Variants in GDA observed in about 807,000 individuals in gnomAD.
GDA encodes the protein cytoplasmic PSD-95 interactor.
In GDA, 18 loss-of-function variants were observed where a neutral mutation model predicts 59.6. The observed-to-expected ratio is 0.30, with a 90% CI of 0.21 to 0.45. GDA has a LOEUF of 0.45. Ranked by LOEUF, GDA falls within the 20% of genes least tolerant of loss-of-function variation. The pLI, the probability that GDA is intolerant of heterozygous loss-of-function variation, is 1.00. For synonymous variants in GDA, 201 were observed against 201.1 expected (o/e 1.00, Z 0.00); for missense variants, 427 against 552.3 (o/e 0.77, Z 2.27).
At chr9:72,256,476 GTACATAGTCCGCAGAGAA>G (rs905926205), downstream of GDA, among the ~76,000 whole-genome samples, 1 of 152,314 alleles carries the variant, frequency 6.6e-6, no homozygotes, top group Middle Eastern at 3.4e-3. Context: ...GTTCTGTTGG[GTACATAGTCCGCAGAGAA>G]TACATAGGGC....
intron 1 of GDA, among the ~76,000 whole-genome samples, chr9:72,150,329 A>T (rs1432675202): frequency 6.6e-6 from 1 of 151,656 alleles, no homozygotes; most frequent in African/African-American, 2.4e-5. Flanking sequence ...ACACACACAC[A>T]CACACACGCA....
Position 72,250,176 on chromosome 9 carries a change from A to G in GDA, c.*1834A>G. 1.0e-6 allele frequency: 1 copy of G among 984,660 alleles called. No individual in the cohort carries two copies. The highest frequency in any genetic ancestry group is 1.2e-6 in the Non-Finnish European group (1 of 829,226). 61.0% of individuals were successfully genotyped at this position (984,660 alleles called of 1,614,324 possible). A position where few individuals can be genotyped will look rare whatever the true frequency, so the allele number is the denominator to read the frequency against. ...CAGCTTTATCACTCAACCCCTGCCA[A>G]AGGAACTTGATTACATGGTGTCTAA... On this transcript the variant is annotated 3_prime_UTR_variant, in exon 14 of 14. Transcript: ENST00000358399.
intron 1 of GDA, among the ~76,000 whole-genome samples, chr9:72,181,438 C>T (rs1831202616): frequency 6.6e-6 from 1 of 152,104 alleles, no homozygotes; most frequent in South Asian, 2.1e-4. Context: ...CAATTCTCTG[C>T]CTCAGCCTCC....
downstream of GDA, among the ~76,000 whole-genome samples, chr9:72,259,717 A>G (rs1016082472): frequency 3.3e-5 from 5 of 151,660 alleles, no homozygotes; most frequent in East Asian, 7.7e-4. Flanking sequence ...CTTGGAGGAG[A>G]AAAAAAAAGC....
At chr9:72,222,852 A>G (rs999185022) in intron 6 of GDA, among the ~76,000 whole-genome samples, 2 of 151,832 alleles carry the variant, frequency 1.3e-5, no homozygotes, top group African/African-American at 4.8e-5. Context: ...GATTACAGGC[A>G]TGCGCCACCA....
At chr9:72,144,212 ACT>A (rs1351051601) in intron 1 of GDA, among the ~76,000 whole-genome samples, 1 of 152,118 alleles carries the variant, frequency 6.6e-6, no homozygotes, top group Non-Finnish European at 1.5e-5. Context: ...ACAGAGTGAG[ACT>A]CTACCTCAAA....
chr9:72,229,358 A>G (rs1007858301), intron 9 of GDA, among the ~76,000 whole-genome samples: 6 of 151,856 alleles, frequency 4.0e-5, no homozygotes, highest in African/African-American at 1.5e-4. Flanking sequence ...CTCAAAAACA[A>G]AACAAAACAA....
At chr9:72,142,686 T>C (rs909307087) in intron 1 of GDA, among the ~76,000 whole-genome samples, 4 of 152,324 alleles carry the variant, frequency 2.6e-5, no homozygotes, top group East Asian at 1.9e-4. Context: ...GGCTTGTGAC[T>C]GAGCTGGAAT....
chr9:72,255,563 A>G (rs905468289), downstream of GDA, among the ~76,000 whole-genome samples: 6 of 152,210 alleles, frequency 3.9e-5, no homozygotes, highest in Admixed American at 6.5e-5. Context: ...GGGGCTCAGA[A>G]ATACAAGTGC....
chr9:72,210,798 T>C (rs745944565), intron 4 of GDA, 24 bp downstream of exon 4: 4 of 1,428,234 alleles, frequency 2.8e-6, no homozygotes, highest in Non-Finnish European at 4.0e-6. Context: ...GCATGATTTA[T>C]GGGCACCTCA....
intron 9 of GDA, among the ~76,000 whole-genome samples, chr9:72,229,507 G>C (rs1051608496): frequency 2.0e-5 from 3 of 152,196 alleles, no homozygotes; most frequent in Non-Finnish European, 4.4e-5. Context: ...CAGGTAACCA[G>C]TGTCCAAAAC....
intron 10 of GDA, among the ~76,000 whole-genome samples, chr9:72,233,399 G>A (rs1838582844): frequency 1.3e-5 from 2 of 152,158 alleles, no homozygotes; most frequent in South Asian, 4.1e-4. Flanking sequence ...CATCCCTGGA[G>A]TACAGGAAAT....
At chr9:72,162,507 G>T (rs1359196394) in intron 1 of GDA, among the ~76,000 whole-genome samples, 2 of 152,052 alleles carry the variant, frequency 1.3e-5, no homozygotes, top group African/African-American at 2.4e-5. Flanking sequence ...AAGACCCAGA[G>T]GGGAGGAGGA....
chr9:72,256,141 A>G (rs1840877064), downstream of GDA, among the ~76,000 whole-genome samples: 1 of 152,166 alleles, frequency 6.6e-6, no homozygotes, highest in Non-Finnish European at 1.5e-5. Context: ...AAAAAAGGTT[A>G]ATTAGTTGGT....
chr9:72,202,882 A>T, intron 3 of GDA, 140 bp downstream of exon 3: 1 of 485,406 alleles, frequency 2.1e-6, no homozygotes, highest in South Asian at 4.4e-5. Flanking sequence ...TCTTTTTCAC[A>T]GTCCAGTGAG....
intron 1 of GDA, among the ~76,000 whole-genome samples, chr9:72,135,002 T>C (rs1453975319): frequency 2.0e-5 from 3 of 152,196 alleles, no homozygotes; most frequent in African/African-American, 7.2e-5. Flanking sequence ...GTTACTTCCC[T>C]GTTGTGCAAT....
intron 1 of GDA, among the ~76,000 whole-genome samples, chr9:72,131,943 C>T (rs1270244506): frequency 3.9e-5 from 6 of 152,108 alleles, no homozygotes; most frequent in Admixed American, 1.3e-4. Flanking sequence ...ACAATCATGA[C>T]GGAAGGCAAG....
At chr9:72,159,655 T>A (rs962324746) in intron 1 of GDA, among the ~76,000 whole-genome samples, 1 of 152,202 alleles carries the variant, frequency 6.6e-6, no homozygotes, top group African/African-American at 2.4e-5. Context: ...ATCATAATCA[T>A]ACATTCCCCA....
chr9:72,122,018 A>G (rs1825679158), intron 1 of GDA, among the ~76,000 whole-genome samples: 1 of 151,810 alleles, frequency 6.6e-6, no homozygotes, highest in Non-Finnish European at 1.5e-5. Context: ...TTCACTGTCT[A>G]CCCCTTATGT....
Sources: gnomAD v4.1 joint callset for allele counts (sites outside exome capture counted in the v4.1 genomes callset) on GRCh38, gnomAD v4.1.1 for gene constraint, MANE v1.5 for transcripts, NCBI Gene and HGNC (gene_info 2026-07-23, HGNC 2026-07-21) for gene names.